STK38L: variants seen among roughly 807,000 people sequenced by gnomAD.
STK38L encodes the protein serine/threonine kinase 38 like.
A neutral mutation model predicts 59.7 loss-of-function variants in STK38L; 28 were observed. The ratio of observed to expected loss-of-function variants is 0.47; its 90% confidence interval spans 0.35 to 0.64. The LOEUF is 0.64. Among genes scored for constraint, STK38L ranks in the 30% least tolerant of loss-of-function variants. The pLI is 0.01. For missense variants in STK38L, 314 were observed against 555.8 expected (o/e 0.56, Z 4.37); for synonymous variants, 162 against 176.8 (o/e 0.92, Z 0.66).
intron 9 of STK38L, among the ~76,000 whole-genome samples, chr12:27,316,320 T>C (rs1216095756): frequency 6.6e-6 from 1 of 152,216 alleles, no homozygotes; most frequent in Non-Finnish European, 1.5e-5. Context: ...GGTTTTGCAA[T>C]TGAGAATAAT....
chr12:27,262,892 G>A (rs923088875), intron 1 of STK38L, among the ~76,000 whole-genome samples: 12 of 150,350 alleles, frequency 8.0e-5, no homozygotes, highest in African/African-American at 2.9e-4. Context: ...TCAGCCTCCC[G>A]GGTTCAAGCG....
chr12:27,269,506 C>T (rs1365995127), intron 1 of STK38L, among the ~76,000 whole-genome samples: 1 of 152,210 alleles, frequency 6.6e-6, no homozygotes, highest in Non-Finnish European at 1.5e-5. Context: ...CAGTACCATG[C>T]TGTTTTGGTT....
intron 1 of STK38L, among the ~76,000 whole-genome samples, chr12:27,282,614 G>C (rs530864135): frequency 6.6e-6 from 1 of 152,034 alleles, no homozygotes; most frequent in Non-Finnish European, 1.5e-5. Flanking sequence ...ACTATTGATG[G>C]TCAATTGGTA....
At chr12:27,300,729 A>C in intron 2 of STK38L, 1 of 406,140 alleles carries the variant, frequency 2.5e-6, no homozygotes, top group South Asian at 1.8e-5. Flanking sequence ...GGTGCCTATG[A>C]CAAGCACTGA....
intron 3 of STK38L, among the ~76,000 whole-genome samples, chr12:27,307,113 A>G (rs1260909686): frequency 1.3e-5 from 2 of 152,186 alleles, no homozygotes; most frequent in Admixed American, 6.5e-5. Flanking sequence ...TTTATAATCA[A>G]TATCAGATGT....
Position 27,308,777 on chromosome 12 carries a change from C to T in STK38L, c.309+316C>T, listed in dbSNP as rs1359628019. On this transcript the variant is annotated intron_variant, in intron 4 of 13. Transcript: ENST00000389032. This position sits in a 1 kb window ranked among gnomAD's most constrained non-coding sequence, Gnocchi z 4.5. ...GAAGTTGCAGTGAGCTGAGATCCCA[C>T]CATTGCACTCCAGCCTGGGCAACAT... Among the ~76,000 whole-genome samples, 3 of 150,694 alleles carry T rather than the reference C, an allele frequency of 2.0e-5. No homozygotes were observed. The highest frequency in any genetic ancestry group is 4.4e-5 in the Non-Finnish European group (3 of 67,794).
chr12:27,319,429 T>C lies in STK38L; in HGVS notation c.1175+6T>C, dbSNP rs762031008. Reference sequence around the variant, plus strand: ...GTCGACTGGGAGCACATAAGGTATGTTCCTAGGCTTTGAATGGGAAAGGTC... The same window carrying C: ...GTCGACTGGGAGCACATAAGGTATGCTCCTAGGCTTTGAATGGGAAAGGTC... On this transcript the variant is annotated splice_donor_region_variant and intron_variant, in intron 12 of 13. Coordinates refer to ENST00000389032, the MANE Select transcript of STK38L (RefSeq NM_015000.4). 1.8e-5 allele frequency: 29 copies of C among 1,604,176 alleles called. No homozygotes were observed. The highest frequency in any genetic ancestry group is 2.7e-5 in the African/African-American group (2 of 74,564).
intron 2 of STK38L, 152 bp downstream of exon 2, chr12:27,298,006 T>C: frequency 2.2e-6 from 2 of 927,410 alleles, no homozygotes; most frequent in Non-Finnish European, 3.1e-6. Context: ...CATAGACATG[T>C]GTTTTATTTT....
At chr12:27,291,693 A>C (rs1208915891) in intron 1 of STK38L, among the ~76,000 whole-genome samples, 3 of 152,214 alleles carry the variant, frequency 2.0e-5, no homozygotes, top group Non-Finnish European at 4.4e-5. Flanking sequence ...TTAGGGACCC[A>C]GTTTATACAG....
Position 27,308,855 on chromosome 12 carries a change from A to T in STK38L, c.310-259A>T, listed in dbSNP as rs1052529580. ...ATATATGTGTTTGTATGTATATATA[A>T]AAAAATATATATAAATATAAATATA... On this transcript the variant is annotated intron_variant, in intron 4 of 13. Transcript: ENST00000389032. The surrounding 1 kb of genome is among the most constrained non-coding windows in gnomAD (Gnocchi z 4.5). Among the ~76,000 whole-genome samples the T allele has an allele frequency of 4.3e-5, 6 of 140,890 alleles. No individual in the cohort carries two copies. Among genetic ancestry groups the T allele is most frequent in the Non-Finnish European group, 9.4e-5 (6 of 64,132 alleles). 92.4% of individuals were successfully genotyped at this position (140,890 alleles called of 152,430 possible).
intron 1 of STK38L, among the ~76,000 whole-genome samples, chr12:27,285,817 C>T (rs1943759655): frequency 6.6e-6 from 1 of 152,202 alleles, no homozygotes; most frequent in African/African-American, 2.4e-5. Flanking sequence ...TATTTTGTCT[C>T]TCTCTTCTTT....
chr12:27,299,738 G>A (rs1360198983), intron 2 of STK38L, among the ~76,000 whole-genome samples: 1 of 151,436 alleles, frequency 6.6e-6, no homozygotes, highest in African/African-American at 2.4e-5. Flanking sequence ...ACCATAAAAT[G>A]ATAAAAATAG....
rs151177540 is a variant in STK38L at position 27,285,170 on chromosome 12, T to G, written c.-11-12540T>G. Reference sequence around the variant, plus strand: ...CTGCTGCTTCTGGCTCTTAAGTTGTTAAAACATTAGTCTGATTTCTTTCAG... The same window carrying G: ...CTGCTGCTTCTGGCTCTTAAGTTGTGAAAACATTAGTCTGATTTCTTTCAG... On this transcript the variant is annotated intron_variant, in intron 1 of 13. Transcript: ENST00000389032. Among the ~76,000 whole-genome samples, 2 of 152,336 alleles carry G rather than the reference T, an allele frequency of 1.3e-5. 1 individual carries two copies. Among genetic ancestry groups the G allele is most frequent in the African/African-American group, 4.8e-5 (2 of 41,568 alleles).
At chr12:27,297,941 A>G in intron 2 of STK38L, 87 bp downstream of exon 2, 1 of 1,472,114 alleles carries the variant, frequency 6.8e-7, no homozygotes, top group Non-Finnish European at 9.3e-7. Flanking sequence ...CATGAATGAT[A>G]TGAATATTAT....
At chr12:27,317,275 TC>T in intron 9 of STK38L, 60 bp from the exon 10 acceptor site, 1 of 1,229,392 alleles carries the variant, frequency 8.1e-7, no homozygotes, top group Non-Finnish European at 1.2e-6. Context: ...TAGTAAGCCA[TC>T]CTCAGATAGA....
intron 1 of STK38L, among the ~76,000 whole-genome samples, chr12:27,277,652 G>A (rs1269072950): frequency 6.6e-6 from 1 of 152,006 alleles, no homozygotes; most frequent in Non-Finnish European, 1.5e-5. Flanking sequence ...AAATAACCAT[G>A]GAGTTTGCAT....
At chr12:27,265,484 A>T (rs1024291064) in intron 1 of STK38L, among the ~76,000 whole-genome samples, 2 of 152,182 alleles carry the variant, frequency 1.3e-5, no homozygotes, top group Non-Finnish European at 2.9e-5. Context: ...AATATATTGT[A>T]ATAAACTTCT....
rs571423759 is a variant in STK38L, at chr12:27,265,151, G to A, written c.-12+20819G>A. Among the ~76,000 whole-genome samples, 3 of 152,040 alleles carry A rather than the reference G, an allele frequency of 2.0e-5. No homozygotes were observed. In the South Asian group the frequency reaches 6.2e-4, roughly 32 times the overall value. ...TTTAGGAAATTGAAAAATGCAAAAA[G>A]GTATGAAGAAAAAGAAAAGATAATC... On this transcript the variant is annotated intron_variant, in intron 1 of 13. Transcript: ENST00000389032.
chr12:27,312,833 C>T (rs1364964351), intron 6 of STK38L, among the ~76,000 whole-genome samples, 161 bp downstream of exon 6: 1 of 152,132 alleles, frequency 6.6e-6, no homozygotes, highest in African/African-American at 2.4e-5. Flanking sequence ...ATTTTTACCA[C>T]AAAACAGATT....
Sources: allele counts gnomAD v4.1 joint callset (sites outside exome capture counted in the v4.1 genomes callset), GRCh38; gene constraint gnomAD v4.1.1; non-coding constraint Gnocchi (gnomAD v3.1); transcripts MANE v1.5; gene names NCBI Gene and HGNC (gene_info 2026-07-23, HGNC 2026-07-21).